The following CTNNA2 variants were observed in gnomAD, a reference collection of about 807,000 sequenced individuals.
The protein encoded by CTNNA2 is catenin alpha 2.
Under a neutral mutation model 101.0 loss-of-function variants are expected in CTNNA2, and 42 were observed. The ratio of observed to expected loss-of-function variants is 0.42; its 90% CI spans 0.32 to 0.54. The LOEUF (loss-of-function observed/expected upper bound fraction) is 0.54. CTNNA2 is among the 20% of genes least tolerant of loss of function. The pLI is 0.14. For synonymous variants in CTNNA2, 450 were observed against 456.4 expected (o/e 0.99, Z 0.18); for missense variants, 871 against 1,223.1 (o/e 0.71, Z 4.29).
At chr2:79,256,551 A>G (rs1674846558) in intron 2 of CTNNA2, among the ~76,000 whole-genome samples, 1 of 152,228 alleles carries the variant, frequency 6.6e-6, no homozygotes, top group South Asian at 2.1e-4. Context: ...AAGAATCACT[A>G]TTTAATTTCA....
chr2:80,644,225 A>C (rs1673811728), intron 18 of CTNNA2, among the ~76,000 whole-genome samples: 1 of 152,092 alleles, frequency 6.6e-6, no homozygotes, highest in African/African-American at 2.4e-5. Context: ...CACTTATTAA[A>C]TGGGGAGTAA....
chr2:80,551,746 T>TC (rs1409042827), intron 11 of CTNNA2, among the ~76,000 whole-genome samples: 2 of 152,306 alleles, frequency 1.3e-5, no homozygotes, highest in African/African-American at 4.8e-5. Flanking sequence ...TTTAGACCAC[T>TC]CAAACTTTCT....
chr2:79,198,363 AAAT>A (rs1191614906), intron 2 of CTNNA2, among the ~76,000 whole-genome samples: 3 of 152,244 alleles, frequency 2.0e-5, no homozygotes, highest in Admixed American at 1.3e-4. Context: ...AAATTAATCT[AAAT>A]AAACAACAAA....
At chr2:79,507,590 TAACCTAGTCTCAGACAG>T (rs1274406229) in intron 5 of CTNNA2, among the ~76,000 whole-genome samples, 1 of 152,158 alleles carries the variant, frequency 6.6e-6, no homozygotes, top group Non-Finnish European at 1.5e-5. Context: ...TCTTTATAAA[TAACCTAGTCTCAGACAG>T]TTTGTTATAG....
intron 7 of CTNNA2, among the ~76,000 whole-genome samples, chr2:80,148,743 C>A (rs1212500449): frequency 6.6e-6 from 1 of 152,118 alleles, no homozygotes; most frequent in African/African-American, 2.4e-5. Flanking sequence ...GGAAAACTGT[C>A]TTCCTCTTCA....
At chr2:79,939,999 G>A (rs1688044979) in intron 7 of CTNNA2, among the ~76,000 whole-genome samples, 1 of 152,188 alleles carries the variant, frequency 6.6e-6, no homozygotes, top group African/African-American at 2.4e-5. Flanking sequence ...GGCTGAGGCA[G>A]GAGAATTGCT....
chr2:79,348,548 A>G (rs1454864260), intron 3 of CTNNA2, among the ~76,000 whole-genome samples: 5 of 152,230 alleles, frequency 3.3e-5, no homozygotes, highest in Non-Finnish European at 5.9e-5. Flanking sequence ...TGAGGCTTGC[A>G]ATGCTCTCGC....
intron 1 of CTNNA2, among the ~76,000 whole-genome samples, chr2:79,187,336 C>G (rs1329229469): frequency 1.4e-5 from 2 of 139,278 alleles, no homozygotes; most frequent in Non-Finnish European, 3.0e-5. Flanking sequence ...GTGGCACAAT[C>G]TCAGCTCACT....
At chr2:79,869,479 A>T (rs1327177840) in intron 4 of CTNNA2, among the ~76,000 whole-genome samples, 2 of 152,180 alleles carry the variant, frequency 1.3e-5, no homozygotes, top group Non-Finnish European at 2.9e-5. Context: ...TTTTTTCTTA[A>T]CTTCAATATT....
chr2:79,550,057 G>T (rs1673995754), intron 1 of CTNNA2, among the ~76,000 whole-genome samples: 1 of 152,238 alleles, frequency 6.6e-6, no homozygotes, highest in African/African-American at 2.4e-5. Context: ...TGACTGTCTT[G>T]CATTCTCCAA....
chr2:79,805,033 T>C (rs1245946972), intron 3 of CTNNA2, among the ~76,000 whole-genome samples: 2 of 152,102 alleles, frequency 1.3e-5, no homozygotes, highest in African/African-American at 4.8e-5. Flanking sequence ...GGAAGGCTTG[T>C]GGGAAGTGCA....
chr2:79,397,435 T>C (rs1412222121), intron 4 of CTNNA2, among the ~76,000 whole-genome samples: 1 of 152,148 alleles, frequency 6.6e-6, no homozygotes, highest in East Asian at 1.9e-4. Context: ...AAGTCAAATT[T>C]TCTCACCTCT....
chr2:80,078,996 C>T lies in CTNNA2; in HGVS notation c.1056+169199C>T, dbSNP rs575254218. Among the ~76,000 whole-genome samples, 15 of 152,236 alleles carry T rather than the reference C, an allele frequency of 9.9e-5. No individual in the cohort carries two copies. The East Asian group carries it at 2.9e-3, about 29-fold the overall frequency. ...TCCTCATTGATGCAAAGAAACTATG[C>T]TTTGCCCTACCTTTGAGAGCATTTA... On this transcript the variant is annotated intron_variant, in intron 7 of 18. Transcript: ENST00000402739.
At chr2:79,394,759 C>A (rs17017034) in intron 4 of CTNNA2, among the ~76,000 whole-genome samples, 4,621 of 147,564 alleles carry the variant, frequency 0.031, 232 homozygotes, top group African/African-American at 0.11. Context: ...TGTCTGATAG[C>A]AAAAGAGCTT....
chr2:79,535,856 T>A (rs1174222502), intron 1 of CTNNA2, among the ~76,000 whole-genome samples: 1 of 152,072 alleles, frequency 6.6e-6, no homozygotes, highest in African/African-American at 2.4e-5. Flanking sequence ...CATTGTCAGC[T>A]CTGTTGAAGA....
chr2:79,768,102 A>G (rs190381094), intron 3 of CTNNA2, among the ~76,000 whole-genome samples: 4 of 151,854 alleles, frequency 2.6e-5, no homozygotes, highest in African/African-American at 9.6e-5. Flanking sequence ...CACCCTGGCT[A>G]GGGCTGGTCT....
chr2:79,330,005 C>T (rs980549674), intron 3 of CTNNA2, among the ~76,000 whole-genome samples: 17 of 152,134 alleles, frequency 1.1e-4, no homozygotes, highest in African/African-American at 4.1e-4. Context: ...AGCTAGAGGC[C>T]TCTGTCTGTA....
At chr2:80,048,443 C>A (rs147627154) in intron 7 of CTNNA2, among the ~76,000 whole-genome samples, 204 of 151,738 alleles carry the variant, frequency 1.3e-3, no homozygotes, top group African/African-American at 4.8e-3. Context: ...TCTGAAGACA[C>A]AAGAGAAACG....
intron 2 of CTNNA2, among the ~76,000 whole-genome samples, chr2:79,208,245 G>A (rs1056473593): frequency 4.6e-5 from 7 of 152,106 alleles, no homozygotes; most frequent in Admixed American, 3.9e-4. Context: ...TTTAGTATTT[G>A]CAAGGGGTAA....
Sources: gnomAD v4.1 joint callset for allele counts (sites outside exome capture counted in the v4.1 genomes callset) on GRCh38, gnomAD v4.1.1 for gene constraint, MANE v1.5 for transcripts, NCBI Gene and HGNC (gene_info 2026-07-23, HGNC 2026-07-21) for gene names.